Variants in DENND4A observed in about 807,000 individuals in gnomAD.
DENND4A encodes the protein DENN domain containing 4A.
A neutral mutation model predicts 199.3 loss-of-function variants in DENND4A; 70 were observed. The observed-to-expected ratio is 0.35, with a 90% CI of 0.29 to 0.43. DENND4A has a LOEUF of 0.43. Among genes scored for constraint, DENND4A ranks in the 20% least tolerant of loss-of-function variants. The pLI is 1.00. For synonymous variants in DENND4A, 686 were observed against 766.9 expected (o/e 0.89, Z 1.74); for missense variants, 1,723 against 2,255.8 (o/e 0.76, Z 4.78).
At chr15:65,679,334 C>G (rs185782569) in intron 23 of DENND4A, among the ~76,000 whole-genome samples, 199 of 151,934 alleles carry the variant, frequency 1.3e-3, no homozygotes, top group Middle Eastern at 0.01. Flanking sequence ...ATCTCCTGAC[C>G]TTGTGATCCG....
At chr15:65,690,339 A>C (rs28513670) in intron 23 of DENND4A, 76 bp downstream of exon 23, 1 of 1,441,450 alleles carries the variant, frequency 6.9e-7, no homozygotes. Context: ...AGAATAGTTA[A>C]AACGAGTAAG....
chr15:65,705,405 G>C (rs752186930), intron 15 of DENND4A, among the ~76,000 whole-genome samples: 1 of 152,128 alleles, frequency 6.6e-6, no homozygotes, highest in Non-Finnish European at 1.5e-5. Flanking sequence ...ACAATTTTAA[G>C]TAAAAATAAA....
intron 23 of DENND4A, among the ~76,000 whole-genome samples, chr15:65,683,300 G>A (rs984040013): frequency 3.3e-5 from 5 of 152,192 alleles, no homozygotes; most frequent in African/African-American, 1.2e-4. Context: ...AGTCTAGCCA[G>A]CAGTGTGTCA....
chr15:65,722,061 A>G (rs1345578358), intron 12 of DENND4A, among the ~76,000 whole-genome samples: 1 of 152,032 alleles, frequency 6.6e-6, no homozygotes, highest in Non-Finnish European at 1.5e-5. Flanking sequence ...AAACATTTTT[A>G]AAAGATAAGC....
intron 28 of DENND4A, 54 bp from the exon 29 acceptor site, chr15:65,667,757 TA>T: frequency 6.4e-7 from 1 of 1,553,862 alleles, no homozygotes; most frequent in East Asian, 2.2e-5. Flanking sequence ...ACTAAGCCAT[TA>T]AAAAATTCAA....
intron 32 of DENND4A, among the ~76,000 whole-genome samples, chr15:65,663,817 C>CTTTT (rs78087333): frequency 7.0e-6 from 1 of 143,304 alleles, no homozygotes; most frequent in African/African-American, 2.5e-5. Context: ...ATCTGGCTAA[C>CTTTT]TTTTTTTTTT....
At chr15:65,748,047 AAAAAAAAAAAAAAAAAGG>A (rs1197844198) in intron 4 of DENND4A, among the ~76,000 whole-genome samples, 1 of 147,124 alleles carries the variant, frequency 6.8e-6, no homozygotes, top group Non-Finnish European at 1.5e-5. Flanking sequence ...CTCAAAAAAA[AAAAAAAAAAAAAAAAAGG>A]AAAAAAAAAA....
intron 7 of DENND4A, among the ~76,000 whole-genome samples, chr15:65,733,212 T>G (rs1027334565): frequency 6.6e-6 from 1 of 152,156 alleles, no homozygotes; most frequent in Non-Finnish European, 1.5e-5. Flanking sequence ...CCAGAAAAAA[T>G]GAAACAGTTT....
chr15:65,759,904 A>G (rs2140733929), intron 2 of DENND4A, among the ~76,000 whole-genome samples: 1 of 152,318 alleles, frequency 6.6e-6, no homozygotes, highest in Non-Finnish European at 1.5e-5. Context: ...TGCTTACTGT[A>G]GATCATTTAT....
At position 65,778,831 on chromosome 15, in the gene DENND4A, T is replaced by A. The variant is rs573664805; in HGVS notation, c.-102+13179A>T. Among the ~76,000 whole-genome samples, 380 of 149,840 alleles carry A rather than the reference T, an allele frequency of 2.5e-3. 1 individual carries two copies. Among genetic ancestry groups the A allele is most frequent in the Non-Finnish European group, 4.4e-3 (295 of 67,504 alleles). ...ATCGCTTGAACCCAGGAAGCAGAGG[T>A]TGCAGTGAGCTGAGATCACGCCACT... On this transcript the variant is annotated intron_variant, in intron 1 of 32. Transcript: ENST00000443035.
In DENND4A at chr15:65,752,548, A is replaced by G; in HGVS notation, c.392T>C (p.Ile131Thr). The change falls in exon 4 of 33, where the codon ATT becomes ACT. Residue 131 changes from isoleucine (I) to threonine (T), a missense_variant. Physicochemically the swap from Ile to Thr is moderately conservative, Grantham distance 89. Transcript: ENST00000443035. ...QSTPYGRPAN[I>T]SGSTSSQRIY... ...TCTTTGTGATGAGGTACTCCCACTAATATTTGCGGGGCGCCCATAGGGAGT... is the reference window on the plus strand; with the variant it reads ...TCTTTGTGATGAGGTACTCCCACTAGTATTTGCGGGGCGCCCATAGGGAGT... 1.2e-6 allele frequency: 2 copies of G among 1,613,180 alleles called. No individual in the cohort carries two copies. Among genetic ancestry groups the G allele is most frequent in the Non-Finnish European group, 8.5e-7 (1 of 1,179,526 alleles).
intron 23 of DENND4A, among the ~76,000 whole-genome samples, chr15:65,679,742 T>C (rs554636305): frequency 6.6e-6 from 1 of 152,080 alleles, no homozygotes; most frequent in African/African-American, 2.4e-5. Context: ...TTACCCAGGC[T>C]AGTCTTGAAC....
At chr15:65,741,668 C>T in intron 5 of DENND4A, 47 bp downstream of exon 5, 1 of 1,537,434 alleles carries the variant, frequency 6.5e-7, no homozygotes, top group Non-Finnish European at 9.0e-7. Flanking sequence ...TTTCCGGGCC[C>T]TATAATACAT....
intron 1 of DENND4A, among the ~76,000 whole-genome samples, chr15:65,780,179 G>C (rs1346061062): frequency 1.3e-5 from 2 of 152,166 alleles, no homozygotes; most frequent in African/African-American, 4.8e-5. Context: ...TGGGATTACA[G>C]GTGTGCACCA....
intron 4 of DENND4A, among the ~76,000 whole-genome samples, chr15:65,742,293 T>C (rs2076278529): frequency 6.7e-6 from 1 of 149,846 alleles, no homozygotes; most frequent in East Asian, 1.9e-4. Flanking sequence ...CTTTCAAATC[T>C]TTTTTTTTTA....
At chr15:65,738,102 G>A (rs1282610713) in intron 6 of DENND4A, among the ~76,000 whole-genome samples, 157 bp from the exon 7 acceptor site, 1 of 152,112 alleles carries the variant, frequency 6.6e-6, no homozygotes, top group Non-Finnish European at 1.5e-5. Context: ...CTTTCTTGAT[G>A]TATCTAAGAA....
chr15:65,681,833 G>A (rs745418496), intron 23 of DENND4A, among the ~76,000 whole-genome samples: 3 of 152,136 alleles, frequency 2.0e-5, no homozygotes, highest in African/African-American at 4.8e-5. Context: ...CTTCCAAAGC[G>A]TTGGGATTAC....
At chr15:65,695,078 CTA>C (rs1277146761) in intron 22 of DENND4A, among the ~76,000 whole-genome samples, 18 of 152,246 alleles carry the variant, frequency 1.2e-4, no homozygotes, top group African/African-American at 3.9e-4. Flanking sequence ...TGAAACAACT[CTA>C]TGACATTGAG....
At chr15:65,729,464 T>C (rs1222870379) in intron 10 of DENND4A, 70 bp downstream of exon 10, 9 of 1,507,900 alleles carry the variant, frequency 6.0e-6, no homozygotes, top group Non-Finnish European at 8.0e-6. Flanking sequence ...TATATTAAAA[T>C]GGCTTTAAGT....
Sources: gnomAD v4.1 joint callset for allele counts (sites outside exome capture counted in the v4.1 genomes callset) on GRCh38, gnomAD v4.1.1 for gene constraint, MANE v1.5 for transcripts, NCBI Gene and HGNC (gene_info 2026-07-23, HGNC 2026-07-21) for gene names.